CA5A: variants seen among roughly 807,000 people sequenced by gnomAD.
CA5A encodes the protein carbonic anhydrase 5A.
A neutral mutation model predicts 37.1 loss-of-function variants in CA5A; 28 were observed. The ratio of observed to expected loss-of-function variants is 0.75; its 90% CI spans 0.56 to 1.03. CA5A has a LOEUF of 1.03. Ranked by LOEUF, CA5A falls within the 50% of genes least tolerant of loss-of-function variation. The pLI, the probability that CA5A is intolerant of heterozygous loss-of-function variation, is 0.00. For missense variants in CA5A, 444 were observed against 399.9 expected, an observed-to-expected ratio of 1.11 and a Z score of -0.94; for synonymous variants, 171 against 158.4, an observed-to-expected ratio of 1.08 and a Z score of -0.60.
intron 2 of CA5A, among the ~76,000 whole-genome samples, chr16:87,909,997 AC>A (rs984872074): frequency 1.3e-5 from 2 of 151,618 alleles, no homozygotes. Flanking sequence ...TGATCCTTGA[AC>A]CCCCACCATA....
rs562598251 is a variant in CA5A, at chr16:87,891,847, C to T, written c.726G>A (p.Ser242=). 8.9e-6 allele frequency: 14 copies of T among 1,579,150 alleles called. No homozygotes were observed. The highest frequency in any genetic ancestry group is 5.5e-5 in the African/African-American group (4 of 72,808). The change falls in exon 6 of 7, where the codon TCG becomes TCA. Residue 242 remains serine (S), a synonymous_variant. Transcript: ENST00000649794. ...GSLTTPPLTE[S]VTWIIQKEPV... ...GCTCCTTCTGGATGATCCAGGTGACCGACTCGGTCAGCGGCGGGGTGGTGA... is the reference window on the plus strand; with the variant it reads ...GCTCCTTCTGGATGATCCAGGTGACTGACTCGGTCAGCGGCGGGGTGGTGA...
At chr16:87,893,302 T>G (rs1411854682) in intron 5 of CA5A, 1 of 353,380 alleles carries the variant, frequency 2.8e-6, no homozygotes, top group Non-Finnish European at 5.4e-6. Context: ...TAATTTTTTA[T>G]ATTTTTAGTA....
intron 1 of CA5A, among the ~76,000 whole-genome samples, chr16:87,934,150 T>C (rs1027244417): frequency 6.6e-6 from 1 of 152,258 alleles, no homozygotes; most frequent in African/African-American, 2.4e-5. Flanking sequence ...CCTGGAGCCA[T>C]GTGCTGTCCC....
chr16:87,922,576 G>C (rs1262769983), intron 2 of CA5A, among the ~76,000 whole-genome samples: 1 of 152,236 alleles, frequency 6.6e-6, no homozygotes, highest in Non-Finnish European at 1.5e-5. Context: ...GCGTGGGTTT[G>C]TTCTTGCCCT....
downstream of CA5A, chr16:87,884,304 G>C (rs940686674): frequency 7.0e-5 from 10 of 143,862 alleles, no homozygotes; most frequent in Non-Finnish European, 1.4e-4. Flanking sequence ...ACAGTGGCTC[G>C]CGTCTGTAAT....
chr16:87,928,920 G>A (rs867209517), intron 1 of CA5A, among the ~76,000 whole-genome samples: 65 of 150,610 alleles, frequency 4.3e-4, no homozygotes, highest in Middle Eastern at 3.5e-3. Context: ...GGCACGCGCC[G>A]CCACACCTGG....
chr16:87,920,113 C>G (rs375933230), intron 2 of CA5A, among the ~76,000 whole-genome samples: 1 of 152,108 alleles, frequency 6.6e-6, no homozygotes, highest in African/African-American at 2.4e-5. Flanking sequence ...GAAGCATGGA[C>G]GAGGCTGAGC....
chr16:87,893,479 C>T (rs780155253), intron 5 of CA5A: 12 of 551,126 alleles, frequency 2.2e-5, no homozygotes, highest in Non-Finnish European at 3.9e-5. Flanking sequence ...CCAGTATCTC[C>T]GTGATTACCT....
chr16:87,912,409 C>G (rs2056064296), intron 2 of CA5A, among the ~76,000 whole-genome samples: 1 of 152,236 alleles, frequency 6.6e-6, no homozygotes. Flanking sequence ...TACCACGATT[C>G]TCAAGGTGAG....
At chr16:87,899,001 C>T (rs757396636) in intron 5 of CA5A, among the ~76,000 whole-genome samples, 33 of 152,058 alleles carry the variant, frequency 2.2e-4, no homozygotes, top group Non-Finnish European at 3.8e-4. Context: ...TCCCTAAGTG[C>T]TGGGGTTACA....
At chr16:87,933,653 T>C (rs2056435781) in intron 1 of CA5A, among the ~76,000 whole-genome samples, 1 of 152,186 alleles carries the variant, frequency 6.6e-6, no homozygotes, top group African/African-American at 2.4e-5. Context: ...AAAACAGTGC[T>C]GGGATTACAG....
At chr16:87,918,683 A>C (rs946885723) in intron 2 of CA5A, among the ~76,000 whole-genome samples, 1 of 151,886 alleles carries the variant, frequency 6.6e-6, no homozygotes, top group Non-Finnish European at 1.5e-5. Context: ...CCTTTCTCTT[A>C]TGGGCACTGC....
Position 87,911,204 on chromosome 16 carries a change from G to C in CA5A, c.341-6300C>G, listed in dbSNP as rs1156615477. On this transcript the variant is annotated intron_variant, in intron 2 of 6. Transcript: ENST00000649794. This position sits in a 1 kb window ranked among gnomAD's most constrained non-coding sequence, Gnocchi z 4.6. ...TGCTATCAGCAGGGCTGGTCCACCGGGCAGCACTGGCCACTGTTGCCTCAG... is the reference window on the plus strand; with the variant it reads ...TGCTATCAGCAGGGCTGGTCCACCGCGCAGCACTGGCCACTGTTGCCTCAG... Among the ~76,000 whole-genome samples, 2 of 152,068 alleles carry C rather than the reference G, an allele frequency of 1.3e-5. No homozygotes were observed. Among genetic ancestry groups the C allele is most frequent in the Non-Finnish European group, 2.9e-5 (2 of 68,022 alleles).
intron 1 of CA5A, 25 bp downstream of exon 1, chr16:87,936,284 T>G (rs767303316): frequency 6.4e-7 from 1 of 1,563,942 alleles, no homozygotes; most frequent in Non-Finnish European, 8.8e-7. Context: ...CAGTCGCATC[T>G]TAGGAAATTT....
chr16:87,929,700 G>C (rs535790327), intron 1 of CA5A, among the ~76,000 whole-genome samples: 2 of 150,750 alleles, frequency 1.3e-5, no homozygotes, highest in African/African-American at 4.9e-5. Context: ...GTGAAACCCG[G>C]TCTCTACTAA....
intron 1 of CA5A, among the ~76,000 whole-genome samples, chr16:87,932,481 C>T (rs146665869): frequency 0.019 from 2,859 of 152,276 alleles, 86 homozygotes; most frequent in African/African-American, 0.066. Flanking sequence ...GCCACCTGCA[C>T]GGAGGCGACG....
intron 1 of CA5A, among the ~76,000 whole-genome samples, chr16:87,929,494 C>T (rs2056366705): frequency 1.3e-5 from 2 of 150,596 alleles, no homozygotes; most frequent in Non-Finnish European, 1.5e-5. Context: ...GTCAGAAATG[C>T]GTCTCCACCT....
At chr16:87,910,039 A>C in intron 2 of CA5A, among the ~76,000 whole-genome samples, 1 of 152,192 alleles carries the variant, frequency 6.6e-6, no homozygotes, top group East Asian at 1.9e-4. Flanking sequence ...TCACATGGGA[A>C]ATACGAAGTC....
At chr16:87,920,242 G>T (rs1269278705) in intron 2 of CA5A, among the ~76,000 whole-genome samples, 1 of 152,216 alleles carries the variant, frequency 6.6e-6, no homozygotes, top group Non-Finnish European at 1.5e-5. Context: ...GATGGAAACT[G>T]ATGATCCTCC....
Sources: gnomAD v4.1 joint callset for allele counts (sites outside exome capture counted in the v4.1 genomes callset) on GRCh38, gnomAD v4.1.1 for gene constraint, Gnocchi (gnomAD v3.1) non-coding constraint, MANE v1.5 for transcripts, NCBI Gene and HGNC (gene_info 2026-07-23, HGNC 2026-07-21) for gene names.